KCNJ3: variants seen among roughly 807,000 people sequenced by gnomAD.
KCNJ3 encodes potassium inwardly rectifying channel subfamily J member 3, also known as G protein-activated inward rectifier potassium channel 1.
A neutral mutation model predicts 39.2 loss-of-function variants in KCNJ3; 4 were observed. The observed-to-expected ratio is 0.10, with a 90% CI of 0.05 to 0.23. KCNJ3 has a LOEUF of 0.23. KCNJ3 is among the 10% of genes least tolerant of loss of function. KCNJ3 has a pLI of 1.00. For synonymous variants in KCNJ3, 230 were observed against 237.4 expected (o/e 0.97, Z 0.29); for missense variants, 276 against 634.9 (o/e 0.43, Z 6.08).
intron 2 of KCNJ3, among the ~76,000 whole-genome samples, chr2:154,717,355 A>G (rs1468098739): frequency 6.6e-6 from 1 of 152,196 alleles, no homozygotes; most frequent in South Asian, 2.1e-4. Flanking sequence ...GTAAGAGAAC[A>G]CCATGATCAT....
intron 2 of KCNJ3, among the ~76,000 whole-genome samples, chr2:154,753,992 T>C (rs1337027573): frequency 1.3e-5 from 2 of 152,152 alleles, no homozygotes; most frequent in Non-Finnish European, 2.9e-5. Flanking sequence ...ACTCCATAAT[T>C]TTTTACTATG....
At chr2:154,739,727 C>G (rs1685615684) in intron 2 of KCNJ3, among the ~76,000 whole-genome samples, 1 of 152,040 alleles carries the variant, frequency 6.6e-6, no homozygotes, top group Admixed American at 6.6e-5. Context: ...AATTAGCTCA[C>G]AAACGGGAGT....
chr2:154,712,389 C>T (rs956699835), intron 2 of KCNJ3, among the ~76,000 whole-genome samples: 10 of 152,166 alleles, frequency 6.6e-5, no homozygotes, highest in Admixed American at 5.2e-4. Context: ...TTTCAGGGAA[C>T]AAGAATACTG....
At chr2:154,744,546 T>G (rs1438979625) in intron 2 of KCNJ3, among the ~76,000 whole-genome samples, 2 of 151,816 alleles carry the variant, frequency 1.3e-5, no homozygotes, top group African/African-American at 4.8e-5. Flanking sequence ...CATATTGTAT[T>G]TTGGTAGTAC....
intron 2 of KCNJ3, among the ~76,000 whole-genome samples, chr2:154,718,617 T>C (rs1156912975): frequency 2.6e-5 from 4 of 152,224 alleles, no homozygotes; most frequent in African/African-American, 9.6e-5. Context: ...AATGTCTTTT[T>C]GCACTTAGGA....
intron 2 of KCNJ3, among the ~76,000 whole-genome samples, chr2:154,757,770 C>G (rs964922831): frequency 1.3e-5 from 2 of 152,132 alleles, no homozygotes; most frequent in Non-Finnish European, 2.9e-5. Flanking sequence ...AGGACTCCCT[C>G]TCCACTTCAG....
At chr2:154,727,606 A>AAT in intron 2 of KCNJ3, among the ~76,000 whole-genome samples, 1 of 151,340 alleles carries the variant, frequency 6.6e-6, no homozygotes, top group African/African-American at 2.4e-5. Flanking sequence ...AAAAAAAAAA[A>AAT]AAAAGAGAGA....
intron 2 of KCNJ3, among the ~76,000 whole-genome samples, chr2:154,849,316 G>GT (rs566015497): frequency 6.6e-6 from 1 of 151,958 alleles, no homozygotes; most frequent in Non-Finnish European, 1.5e-5. Flanking sequence ...TTGCTCTTCT[G>GT]TTTTTTGTTT....
In KCNJ3 at chr2:154,856,446, T is replaced by G. The variant is rs1687840500; in HGVS notation, c.*1133T>G. ...ATGCAATGAAACAGATGATAAATAT[T>G]TATGCTTAAAATATGTATGTCTAAT... On this transcript the variant is annotated 3_prime_UTR_variant, in exon 3 of 3. Coordinates refer to ENST00000295101, the MANE Select transcript of KCNJ3 (RefSeq NM_002239.4). 1 of 152,518 alleles carries G rather than the reference T, an allele frequency of 6.6e-6. No homozygotes were observed. Among genetic ancestry groups the G allele is most frequent in the African/African-American group, 2.4e-5 (1 of 41,472 alleles). 9.4% of individuals were successfully genotyped at this position (152,518 alleles called of 1,614,324 possible). A position where few individuals can be genotyped will look rare whatever the true frequency, so the allele number is the denominator to read the frequency against.
intron 2 of KCNJ3, among the ~76,000 whole-genome samples, chr2:154,826,685 G>A (rs1172467293): frequency 6.6e-6 from 1 of 152,150 alleles, no homozygotes; most frequent in African/African-American, 2.4e-5. Flanking sequence ...CCCGCCATGA[G>A]ATATGATGAA....
intron 2 of KCNJ3, among the ~76,000 whole-genome samples, chr2:154,766,877 A>G (rs1686145563): frequency 6.6e-6 from 1 of 152,060 alleles, no homozygotes; most frequent in South Asian, 2.1e-4. Context: ...TATAGGGGCC[A>G]TCTATCTGTT....
intron 2 of KCNJ3, among the ~76,000 whole-genome samples, chr2:154,733,603 T>C (rs899935417): frequency 1.3e-5 from 2 of 152,190 alleles, no homozygotes; most frequent in Admixed American, 1.3e-4. Flanking sequence ...CCTTCTTGTC[T>C]TGAATTGAAA....
At chr2:154,788,782 T>A (rs528259517) in intron 2 of KCNJ3, among the ~76,000 whole-genome samples, 26 of 151,854 alleles carry the variant, frequency 1.7e-4, no homozygotes, top group African/African-American at 4.1e-4. Flanking sequence ...GTTTTTTTTT[T>A]TAAAAAGAAA....
intron 2 of KCNJ3, among the ~76,000 whole-genome samples, chr2:154,809,896 AT>A (rs1686978399): frequency 6.6e-6 from 1 of 151,868 alleles, no homozygotes; most frequent in Non-Finnish European, 1.5e-5. Flanking sequence ...TATTATATAT[AT>A]ATATATATGC....
At chr2:154,715,091 G>T (rs1391196145) in intron 2 of KCNJ3, among the ~76,000 whole-genome samples, 1 of 152,116 alleles carries the variant, frequency 6.6e-6, no homozygotes, top group Admixed American at 6.5e-5. Context: ...ATGCTCCAAG[G>T]GGGCAGGGTA....
chr2:154,804,370 T>G (rs1686874182), intron 2 of KCNJ3, among the ~76,000 whole-genome samples: 1 of 152,196 alleles, frequency 6.6e-6, no homozygotes, highest in Admixed American at 6.6e-5. Flanking sequence ...ATTGAGCTGT[T>G]TCTGATACCG....
intron 2 of KCNJ3, among the ~76,000 whole-genome samples, chr2:154,823,089 C>T (rs1473888850): frequency 6.6e-6 from 1 of 151,866 alleles, no homozygotes; most frequent in Non-Finnish European, 1.5e-5. Context: ...CATTGTTTGA[C>T]TACTGGGAAC....
intron 2 of KCNJ3, among the ~76,000 whole-genome samples, chr2:154,831,803 G>A (rs1028512184): frequency 2.6e-5 from 4 of 152,076 alleles, no homozygotes; most frequent in African/African-American, 9.7e-5. Context: ...ATCTAGGTGG[G>A]GATGTATCTT....
chr2:154,792,490 T>C (rs1686651807), intron 2 of KCNJ3, among the ~76,000 whole-genome samples: 1 of 152,104 alleles, frequency 6.6e-6, no homozygotes, highest in African/African-American at 2.4e-5. Context: ...CTATGGAGCT[T>C]GACAAGCTAA....
Sources: allele counts gnomAD v4.1 joint callset (sites outside exome capture counted in the v4.1 genomes callset), GRCh38; gene constraint gnomAD v4.1.1; transcripts MANE v1.5; gene names NCBI Gene and HGNC (gene_info 2026-07-23, HGNC 2026-07-21).